Variants in ANKIB1 observed in about 807,000 individuals in gnomAD.
ANKIB1 encodes ankyrin repeat and IBR domain containing 1.
In ANKIB1, 43 loss-of-function variants were observed where a neutral mutation model predicts 122.1. That is an observed-to-expected ratio of 0.35 (90% CI 0.28 to 0.45). The LOEUF (loss-of-function observed/expected upper bound fraction) is 0.45, where lower values mean the gene tolerates loss of function less well. Among genes scored for constraint, ANKIB1 ranks in the 20% least tolerant of loss-of-function variants. The pLI is 1.00. For synonymous variants in ANKIB1, 390 were observed against 442.0 expected (o/e 0.88, Z 1.48); for missense variants, 992 against 1,329.5 (o/e 0.75, Z 3.95).
intron 10 of ANKIB1, among the ~76,000 whole-genome samples, chr7:92,362,851 T>A (rs1803982388): frequency 6.6e-6 from 1 of 152,204 alleles, no homozygotes; most frequent in South Asian, 2.1e-4. Context: ...TAGATTGGGT[T>A]GAATGACACA....
chr7:92,303,311 C>T (rs1042341708), intron 2 of ANKIB1, among the ~76,000 whole-genome samples: 2 of 152,166 alleles, frequency 1.3e-5, no homozygotes, highest in Admixed American at 6.5e-5. Flanking sequence ...CTCAAATGAG[C>T]ATTTTCTTTG....
chr7:92,288,035 CAA>C (rs35766675), intron 1 of ANKIB1, among the ~76,000 whole-genome samples: 1,114 of 90,018 alleles, frequency 0.012, 4 homozygotes, highest in African/African-American at 0.045. Flanking sequence ...GACTCCGTCT[CAA>C]AAAAAAAAAA....
At chr7:92,318,695 T>C (rs1802842375) in intron 3 of ANKIB1, among the ~76,000 whole-genome samples, 1 of 152,150 alleles carries the variant, frequency 6.6e-6, no homozygotes, top group Non-Finnish European at 1.5e-5. Flanking sequence ...ACTAAACAAG[T>C]CAAGCTACTA....
chr7:92,294,974 A>G lies in ANKIB1; in HGVS notation c.-5A>G, dbSNP rs1802324769. 4 of 1,585,518 alleles carry G rather than the reference A, an allele frequency of 2.5e-6. No individual in the cohort carries two copies. The highest frequency in any genetic ancestry group is 3.4e-6 in the Non-Finnish European group (4 of 1,164,790). ...CACTGCCTATCAGAAAAAACAAAAC[A>G]AAACATGGGAAATACAACCACCAAA... is the stretch of plus-strand genomic sequence containing the variant. On this transcript the variant is annotated 5_prime_UTR_variant, in exon 2 of 20. Transcript: ENST00000265742.
intron 1 of ANKIB1, among the ~76,000 whole-genome samples, chr7:92,270,728 G>GTTTTT (rs397889266): frequency 2.4e-4 from 20 of 81,996 alleles, no homozygotes; most frequent in East Asian, 3.7e-4. Flanking sequence ...CATCGCTATA[G>GTTTTT]TTTTTTTTTT....
rs1178355043 is a variant in ANKIB1 at position 92,327,915 on chromosome 7, G to A, written c.787+15G>A. 3 of 1,510,258 alleles carry A rather than the reference G, an allele frequency of 2.0e-6. No homozygotes were observed. In the East Asian group the frequency reaches 6.9e-5, roughly 35 times the overall value. The allele number at this position is 1,510,258 out of a possible 1,614,324, so 93.6% of individuals were successfully genotyped here. A position where few individuals can be genotyped will look rare whatever the true frequency, so the allele number is the denominator to read the frequency against. ...TCGAGCTCATGGTAATGAAAGAAAT[G>A]TCTTATGCTTCTAAGAACATGAGTA... On this transcript the variant is annotated intron_variant, in intron 5 of 19. Coordinates refer to ENST00000265742, the MANE Select transcript of ANKIB1 (RefSeq NM_019004.2).
rs1802325731 is a variant in ANKIB1, at chr7:92,295,047, A to G, written c.69A>G (p.Ile23Met). Residue 23 changes from isoleucine to methionine, a missense_variant, in exon 2 of 20, where the codon ATA (isoleucine) becomes ATG (methionine). By Grantham distance (10) the Ile-to-Met change is conservative. Coordinates refer to ENST00000265742, the MANE Select transcript of ANKIB1 (RefSeq NM_019004.2). Reference protein sequence around the residue: ...INGDENLACQIYENNPQLKES... With the variant: ...INGDENLACQMYENNPQLKES... ...GTGATGAAAACCTGGCCTGCCAAAT[A>G]TATGAAAACAATCCTCAGCTAAAAG... 1.2e-6 allele frequency: 2 copies of G among 1,604,410 alleles called. No homozygotes were observed. The highest frequency in any genetic ancestry group is 1.7e-6 in the Non-Finnish European group (2 of 1,175,462).
intron 1 of ANKIB1, among the ~76,000 whole-genome samples, chr7:92,292,785 T>C (rs947267834): frequency 1.3e-5 from 2 of 152,236 alleles, no homozygotes; most frequent in Non-Finnish European, 2.9e-5. Flanking sequence ...GTTGTGTATA[T>C]GCATACATAT....
intron 11 of ANKIB1, among the ~76,000 whole-genome samples, chr7:92,383,221 A>G (rs1385002365): frequency 6.6e-6 from 1 of 152,194 alleles, no homozygotes; most frequent in Admixed American, 6.5e-5. Context: ...TAGACCAATA[A>G]TAGGCTCTGA....
chr7:92,325,160 G>A (rs1455749267), intron 4 of ANKIB1, among the ~76,000 whole-genome samples: 1 of 152,190 alleles, frequency 6.6e-6, no homozygotes, highest in Non-Finnish European at 1.5e-5. Flanking sequence ...ACATCTGAGT[G>A]TATGGAGGGA....
chr7:92,352,760 T>C, intron 9 of ANKIB1, 118 bp downstream of exon 9: 1 of 1,069,502 alleles, frequency 9.4e-7, no homozygotes, highest in Non-Finnish European at 1.3e-6. Context: ...TTCTTCTTAA[T>C]TTAAGAAATG....
chr7:92,287,190 A>T (rs528516132), intron 1 of ANKIB1, among the ~76,000 whole-genome samples: 2 of 152,258 alleles, frequency 1.3e-5, no homozygotes, highest in Non-Finnish European at 2.9e-5. Flanking sequence ...ACATTGGTAC[A>T]GTACTACTAA....
rs138137303 is a variant in ANKIB1, at chr7:92,259,721, A to G, written c.-91+13202A>G. Among the ~76,000 whole-genome samples, 6 of 152,278 alleles carry G rather than the reference A, an allele frequency of 3.9e-5. No homozygotes were observed. The South Asian group carries it at 1.0e-3, about 26-fold the overall frequency. ...AAGCTTCTCAAATGTAACTTGTTCAAATATAAGCAGATTTTCCCTCACATG... is the reference window on the plus strand; with the variant it reads ...AAGCTTCTCAAATGTAACTTGTTCAGATATAAGCAGATTTTCCCTCACATG... On this transcript the variant is annotated intron_variant, in intron 1 of 19. Transcript: ENST00000265742.
chr7:92,342,879 G>C, intron 5 of ANKIB1, 145 bp from the exon 6 acceptor site: 1 of 659,642 alleles, frequency 1.5e-6, no homozygotes, highest in Non-Finnish European at 2.6e-6. Flanking sequence ...AACATACCTA[G>C]ACATTCATTT....
At chr7:92,397,216 G>A (rs963840540) in intron 18 of ANKIB1, among the ~76,000 whole-genome samples, 3 of 151,986 alleles carry the variant, frequency 2.0e-5, no homozygotes, top group South Asian at 4.1e-4. Flanking sequence ...AGCCAGGCAC[G>A]GTGGCTCATG....
intron 6 of ANKIB1, among the ~76,000 whole-genome samples, chr7:92,344,448 G>A (rs537973322): frequency 6.6e-6 from 1 of 151,926 alleles, no homozygotes; most frequent in Admixed American, 6.6e-5. Context: ...CAAGTGATCT[G>A]CCCACCTCGG....
chr7:92,302,437 ATC>A (rs930384262), intron 2 of ANKIB1, among the ~76,000 whole-genome samples: 1 of 151,808 alleles, frequency 6.6e-6, no homozygotes, highest in Admixed American at 6.6e-5. Flanking sequence ...GCACCTTTGC[ATC>A]TCTCTCTCTC....
At chr7:92,395,852 T>G (rs1334741270) in intron 17 of ANKIB1, 1 of 154,426 alleles carries the variant, frequency 6.5e-6, no homozygotes, top group African/African-American at 2.4e-5. Flanking sequence ...GTCACGTTTT[T>G]AAAGCCACTT....
intron 11 of ANKIB1, among the ~76,000 whole-genome samples, chr7:92,372,344 G>A (rs1804287341): frequency 6.6e-6 from 1 of 152,078 alleles, no homozygotes; most frequent in Non-Finnish European, 1.5e-5. Flanking sequence ...TAGAGATTAT[G>A]TAAAGTATAC....
Sources: allele counts gnomAD v4.1 joint callset (sites outside exome capture counted in the v4.1 genomes callset), GRCh38; gene constraint gnomAD v4.1.1; transcripts MANE v1.5; gene names NCBI Gene and HGNC (gene_info 2026-07-23, HGNC 2026-07-21).